The following TBC1D5 variants were observed in gnomAD, a reference collection of about 807,000 sequenced individuals.
TBC1D5 encodes TBC1 domain family, member 5.
TBC1D5 carries 75 observed loss-of-function variants against 100.3 expected under a neutral mutation model. The ratio of observed to expected loss-of-function variants is 0.75; its 90% confidence interval spans 0.62 to 0.91. The LOEUF (loss-of-function observed/expected upper bound fraction) is 0.91, where lower values mean the gene tolerates loss of function less well. TBC1D5 is among the 40% of genes least tolerant of loss of function. TBC1D5 has a pLI of 0.00. For synonymous variants in TBC1D5, 323 were observed against 325.6 expected (o/e 0.99, Z 0.09); for missense variants, 910 against 942.4 (o/e 0.97, Z 0.45).
At chr3:17,207,193 C>T (rs1051385140) in intron 18 of TBC1D5, among the ~76,000 whole-genome samples, 2 of 152,024 alleles carry the variant, frequency 1.3e-5, no homozygotes, top group Non-Finnish European at 2.9e-5. Flanking sequence ...ATACTTTAAC[C>T]TTAGCAAAGA....
chr3:17,228,897 C>G (rs1472431142), intron 17 of TBC1D5, among the ~76,000 whole-genome samples: 1 of 151,980 alleles, frequency 6.6e-6, no homozygotes, highest in Admixed American at 6.6e-5. Context: ...AGTGGAGATT[C>G]CTGACTGCAA....
chr3:17,339,429 G>A (rs550183099), intron 13 of TBC1D5, among the ~76,000 whole-genome samples: 1 of 152,098 alleles, frequency 6.6e-6, no homozygotes, highest in Admixed American at 6.6e-5. Flanking sequence ...CGTGGCATCC[G>A]GTCTGACTGG....
intron 17 of TBC1D5, among the ~76,000 whole-genome samples, chr3:17,218,345 T>G (rs918520807): frequency 5.9e-5 from 9 of 152,040 alleles, no homozygotes; most frequent in African/African-American, 1.7e-4. Context: ...AGGATCACTT[T>G]GCCATTTTCT....
At chr3:17,538,157 C>T (rs2096303802) in intron 2 of TBC1D5, among the ~76,000 whole-genome samples, 1 of 151,978 alleles carries the variant, frequency 6.6e-6, no homozygotes, top group Non-Finnish European at 1.5e-5. Context: ...CCCCCTGTTG[C>T]CCCCAGGACT....
intron 2 of TBC1D5, among the ~76,000 whole-genome samples, chr3:17,555,744 A>T (rs1576679093): frequency 6.6e-6 from 1 of 152,278 alleles, no homozygotes; most frequent in Non-Finnish European, 1.5e-5. Context: ...TACTACAATC[A>T]GGGTGGTATT....
chr3:17,683,567 C>T (rs764032534), intron 1 of TBC1D5, among the ~76,000 whole-genome samples: 1 of 152,106 alleles, frequency 6.6e-6, no homozygotes, highest in African/African-American at 2.4e-5. Flanking sequence ...GAGGAAAATA[C>T]CAGTACTCTC....
Position 17,505,231 on chromosome 3 carries a change from T to A in TBC1D5, c.97+3243A>T, listed in dbSNP as rs564935663. Among the ~76,000 whole-genome samples the A allele has an allele frequency of 3.3e-5, 5 of 152,166 alleles. No individual in the cohort carries two copies. In the South Asian group the frequency reaches 1.0e-3, roughly 32 times the overall value. On this transcript the variant is annotated intron_variant, in intron 3 of 21. Transcript: ENST00000253692. ...AGGAGGTGAATTGATCAGGGGCTGATCCTTCATGAATGGTTTTGCACCATC... is the reference window on the plus strand; with the variant it reads ...AGGAGGTGAATTGATCAGGGGCTGAACCTTCATGAATGGTTTTGCACCATC...
intron 18 of TBC1D5, among the ~76,000 whole-genome samples, chr3:17,190,869 AG>A (rs2069791038): frequency 6.6e-6 from 1 of 152,180 alleles, no homozygotes; most frequent in African/African-American, 2.4e-5. Flanking sequence ...ACCAGAAGAC[AG>A]GAAAGACGCC....
intron 1 of TBC1D5, among the ~76,000 whole-genome samples, chr3:17,646,359 A>C (rs1577208926): frequency 6.6e-6 from 1 of 152,194 alleles, no homozygotes; most frequent in East Asian, 1.9e-4. Context: ...TTAGCCACTC[A>C]GTTTTTGGTT....
At chr3:17,422,152 TTTTTTGG>T (rs913624852) in intron 4 of TBC1D5, among the ~76,000 whole-genome samples, 2 of 152,016 alleles carry the variant, frequency 1.3e-5, no homozygotes, top group African/African-American at 4.8e-5. Context: ...TCTGTTTTTG[TTTTTTGG>T]TTTTTGGGAT....
rs542671634 is a variant in TBC1D5, at chr3:17,477,533, G to A, written c.97+30941C>T. 2.0e-5 allele frequency among the ~76,000 whole-genome samples: 3 copies of A among 152,072 alleles called. No individual in the cohort carries two copies. In the East Asian group the frequency reaches 5.8e-4, roughly 29 times the overall value. On this transcript the variant is annotated intron_variant, in intron 3 of 21. Transcript: ENST00000253692. Reference sequence around the variant, plus strand: ...TTATTCCATTACATCAATGGTTATAGTATCACGCAGAAACTTATCTCTTCT... The same window carrying A: ...TTATTCCATTACATCAATGGTTATAATATCACGCAGAAACTTATCTCTTCT...
At chr3:17,264,503 T>C (rs1239900739) in intron 15 of TBC1D5, among the ~76,000 whole-genome samples, 1 of 152,202 alleles carries the variant, frequency 6.6e-6, no homozygotes, top group Non-Finnish European at 1.5e-5. Context: ...AGATGCCTGT[T>C]CTAATTTATT....
chr3:17,401,279 A>G (rs530378647), intron 8 of TBC1D5, among the ~76,000 whole-genome samples: 1 of 147,346 alleles, frequency 6.8e-6, no homozygotes, highest in East Asian at 2.0e-4. Context: ...TGTGTATAAT[A>G]CACATATATA....
At chr3:17,729,066 G>C (rs1381153851) in intron 1 of TBC1D5, among the ~76,000 whole-genome samples, 3 of 93,998 alleles carry the variant, frequency 3.2e-5, no homozygotes, top group Non-Finnish European at 4.9e-5. Context: ...AATAAACAAA[G>C]GCTCAAACAG....
chr3:17,374,520 A>G (rs1376872856), exon 12 of TBC1D5: 2 of 1,612,228 alleles, frequency 1.2e-6, no homozygotes, highest in African/African-American at 1.3e-5. Flanking sequence ...AGCAGTTTCC[A>G]TAAGTTGTGA....
chr3:17,291,568 T>G (rs2081742543), intron 15 of TBC1D5, among the ~76,000 whole-genome samples: 1 of 152,124 alleles, frequency 6.6e-6, no homozygotes, highest in Non-Finnish European at 1.5e-5. Context: ...CTGTGTGGGG[T>G]ACCAATGACA....
chr3:17,231,689 C>T (rs923486745), intron 17 of TBC1D5, among the ~76,000 whole-genome samples: 4 of 152,074 alleles, frequency 2.6e-5, no homozygotes, highest in Non-Finnish European at 5.9e-5. Flanking sequence ...TCTACTTCCC[C>T]TTGCTTCTTG....
chr3:17,222,705 G>A (rs528384701), intron 17 of TBC1D5, among the ~76,000 whole-genome samples: 1 of 151,430 alleles, frequency 6.6e-6, no homozygotes, highest in Admixed American at 6.6e-5. Flanking sequence ...GGGTTCCTAG[G>A]GTGTGTCATT....
chr3:17,586,306 A>G (rs1412070146), intron 2 of TBC1D5: 1 of 152,158 alleles, frequency 6.6e-6, no homozygotes, highest in African/African-American at 2.4e-5. Flanking sequence ...AAGGGTATTG[A>G]GAGTATTCTA....
Sources: allele counts gnomAD v4.1 joint callset (sites outside exome capture counted in the v4.1 genomes callset), GRCh38; gene constraint gnomAD v4.1.1; transcripts MANE v1.5; gene names NCBI Gene and HGNC (gene_info 2026-07-23, HGNC 2026-07-21).